Variants in PTPDC1 observed in about 807,000 individuals in gnomAD.
PTPDC1 encodes protein tyrosine phosphatase domain-containing protein 1.
A neutral mutation model predicts 75.3 loss-of-function variants in PTPDC1; 53 were observed. The ratio of observed to expected loss-of-function variants is 0.70; its 90% CI spans 0.56 to 0.88. The LOEUF (loss-of-function observed/expected upper bound fraction) is 0.88. Among genes scored for constraint, PTPDC1 ranks in the 40% least tolerant of loss-of-function variants. The pLI, the probability that PTPDC1 is intolerant of heterozygous loss-of-function variation, is 0.00. For synonymous variants in PTPDC1, 349 were observed against 366.2 expected, an observed-to-expected ratio of 0.95 and a Z score of 0.54; for missense variants, 925 against 998.6, an observed-to-expected ratio of 0.93 and a Z score of 0.99.
rs1827007460 is a variant in PTPDC1 at position 94,084,681 on chromosome 9, C to T, written c.151C>T (p.Leu51=). The T allele has an allele frequency of 1.1e-5, 17 of 1,613,842 alleles. No individual in the cohort carries two copies. In the East Asian group the frequency reaches 3.8e-4, roughly 36 times the overall value. ...CTTGGGCTCCGGCTCTGCCACGAAG[C>T]TGCTGTCCTCGTCCTCTCTCCAGGT... ...SGLGSGSATK[L]LSSSSLQVMV... Residue 51 remains leucine (L), a synonymous_variant, in exon 1 of 9, where the codon CTG becomes TTG. Transcript: ENST00000620992.
chr9:94,064,982 CT>C (rs778423691), intron 2 of PTPDC1, among the ~76,000 whole-genome samples: 3 of 152,186 alleles, frequency 2.0e-5, no homozygotes, highest in Non-Finnish European at 4.4e-5. Flanking sequence ...GTTAGAATTC[CT>C]TTTCAAAATC....
intron 1 of PTPDC1, among the ~76,000 whole-genome samples, chr9:94,063,143 G>T (rs1826193422): frequency 6.6e-6 from 1 of 152,204 alleles, no homozygotes; most frequent in Admixed American, 6.5e-5. Context: ...CACTCTCCAT[G>T]CTGTATCATG....
At chr9:94,033,257 G>A (rs1339590989) in intron 1 of PTPDC1, among the ~76,000 whole-genome samples, 2 of 152,062 alleles carry the variant, frequency 1.3e-5, no homozygotes, top group East Asian at 1.9e-4. Flanking sequence ...TGTATACATC[G>A]AAATGTTTCT....
rs146140279 is a variant in PTPDC1 at position 94,088,844 on chromosome 9, C to T, written c.616+581C>T. 1.9e-3 allele frequency among the ~76,000 whole-genome samples: 296 copies of T among 152,164 alleles called. 2 individuals are homozygous for T. Among genetic ancestry groups the T allele is most frequent in the African/African-American group, 6.4e-3 (266 of 41,514 alleles). Reference sequence around the variant, plus strand: ...AATCTTGGAACTTGTTTTTAAGAAGCTTATTTACACTAGATAGAAAATCCA... The same window carrying T: ...AATCTTGGAACTTGTTTTTAAGAAGTTTATTTACACTAGATAGAAAATCCA... On this transcript the variant is annotated intron_variant, in intron 4 of 8. Transcript: ENST00000620992.
chr9:94,077,251 T>G (rs1367473847), intron 2 of PTPDC1, among the ~76,000 whole-genome samples: 1 of 151,864 alleles, frequency 6.6e-6, no homozygotes, highest in Admixed American at 6.6e-5. Flanking sequence ...ATGTGCGGGG[T>G]TTTTTCCACA....
chr9:94,035,748 T>G (rs1208838046), intron 1 of PTPDC1, among the ~76,000 whole-genome samples: 3 of 152,190 alleles, frequency 2.0e-5, no homozygotes, highest in Non-Finnish European at 4.4e-5. Context: ...TTGAGGAAAC[T>G]TTATACTGTT....
chr9:94,047,214 A>G (rs1825631493), intron 1 of PTPDC1, among the ~76,000 whole-genome samples: 2 of 152,296 alleles, frequency 1.3e-5, no homozygotes, highest in African/African-American at 4.8e-5. Context: ...CATGGTGGAT[A>G]AGCTTTTTGA....
At chr9:94,065,359 A>C (rs771950682) in intron 2 of PTPDC1, among the ~76,000 whole-genome samples, 6 of 152,208 alleles carry the variant, frequency 3.9e-5, no homozygotes, top group Admixed American at 3.3e-4. Context: ...TGGTCTTGCT[A>C]CCACCACCGG....
Position 94,095,405 on chromosome 9 carries a change from A to G in PTPDC1, c.705A>G (p.Leu235=), listed in dbSNP as rs143078046. The G allele has an allele frequency of 6.2e-7, 1 of 1,613,672 alleles. No individual in the cohort carries two copies. Among genetic ancestry groups the G allele is most frequent in the South Asian group, 1.1e-5 (1 of 91,012 alleles). Residue 235 remains leucine (L), a synonymous_variant, in exon 5 of 9, where the codon TTA becomes TTG. Coordinates refer to ENST00000620992, the MANE Select transcript of PTPDC1 (RefSeq NM_001253829.2). ...LDMVKVMTFA[L]QEGKVAIHCH... ...TGGTGAAGGTGATGACATTTGCCTTACAGGAAGGAAAAGTAGCTATCCATT... is the reference window on the plus strand; with the variant it reads ...TGGTGAAGGTGATGACATTTGCCTTGCAGGAAGGAAAAGTAGCTATCCATT...
intron 1 of PTPDC1, among the ~76,000 whole-genome samples, chr9:94,054,162 A>G (rs141331913): frequency 2.0e-5 from 3 of 152,334 alleles, no homozygotes; most frequent in Admixed American, 1.3e-4. Context: ...ACAAATAAAT[A>G]AAGTATATAA....
chr9:94,103,580 C>G (rs1179023547), intron 7 of PTPDC1, among the ~76,000 whole-genome samples: 3 of 152,162 alleles, frequency 2.0e-5, no homozygotes, highest in Non-Finnish European at 1.5e-5. Flanking sequence ...TTTGTGCTTG[C>G]AGGTGTTTCT....
Position 94,084,541 on chromosome 9 carries a change from A to G in PTPDC1, c.11A>G (p.Gln4Arg), listed in dbSNP as rs1460329871. 1 of 1,611,510 alleles carries G rather than the reference A, an allele frequency of 6.2e-7. No individual in the cohort carries two copies. Among genetic ancestry groups the G allele is most frequent in the Admixed American group, 1.7e-5 (1 of 60,020 alleles). Residue 4 changes from glutamine (Q) to arginine (R), a missense_variant, in exon 1 of 9, where the codon CAG becomes CGG. Coordinates refer to ENST00000620992, the MANE Select transcript of PTPDC1 (RefSeq NM_001253829.2). MQVQDATRRPSAVR... is the reference protein window; with the variant it reads MQVRDATRRPSAVR... ...TTGCCTCCCAGTGCCATGCAGGTGC[A>G]GGATGCAACCAGGCGGCCCTCAGCC...
chr9:94,030,881 CGTT>C, exon 1 of PTPDC1: 1 of 152,286 alleles, frequency 6.6e-6, no homozygotes, highest in South Asian at 2.1e-4. Context: ...CGCCCCAGGA[CGTT>C]GTCCGGCGGG....
intron 4 of PTPDC1, among the ~76,000 whole-genome samples, chr9:94,092,575 A>C (rs1232454412): frequency 6.6e-6 from 1 of 151,854 alleles, no homozygotes; most frequent in East Asian, 1.9e-4. Flanking sequence ...TATGGGGTGG[A>C]GAGTTCTGTA....
rs1215315735 is a variant in PTPDC1, at chr9:94,097,910, T to G, written c.1344T>G (p.Ser448Arg). ...LTHLKRRLSY[S>R]DSDLKRAENL... The stretch of plus-strand genomic sequence containing the variant: ...ATCTGAAAAGGCGGCTCAGCTACAG[T>G]GACTCAGATTTAAAGAGGGCCGAGA... The change falls in exon 6 of 9, where the codon AGT (serine) becomes AGG (arginine). Residue 448 changes from serine (S) to arginine (R), a missense_variant. Physicochemically the swap from Ser to Arg is moderately radical, Grantham distance 110 (BLOSUM62 -1). Coordinates refer to ENST00000620992, the MANE Select transcript of PTPDC1 (RefSeq NM_001253829.2). The G allele has an allele frequency of 6.8e-6, 11 of 1,614,154 alleles. No homozygotes were observed. Among genetic ancestry groups the G allele is most frequent in the Non-Finnish European group, 9.3e-6 (11 of 1,180,024 alleles).
chr9:94,092,146 T>C (rs1587896198), intron 4 of PTPDC1, among the ~76,000 whole-genome samples: 1 of 151,794 alleles, frequency 6.6e-6, no homozygotes, highest in African/African-American at 2.4e-5. Context: ...TGTTTGCTCC[T>C]GCTTTTCTAG....
intron 1 of PTPDC1, among the ~76,000 whole-genome samples, chr9:94,046,472 T>C (rs1032267871): frequency 6.6e-6 from 1 of 152,090 alleles, no homozygotes; most frequent in Non-Finnish European, 1.5e-5. Flanking sequence ...TCTTCCTACC[T>C]ATGAGCATGG....
chr9:94,097,315 G>T lies in PTPDC1; in HGVS notation c.755-6G>T. ...TCATACCAGTCTTCTCTTCTTCACT[G>T]TTTAGGTGTTTTAATAGCCTGTTAC... On this transcript the variant is annotated splice_polypyrimidine_tract_variant and splice_region_variant and intron_variant, in intron 5 of 8. Transcript: ENST00000620992. 1 of 1,575,602 alleles carries T rather than the reference G, an allele frequency of 6.3e-7. No individual in the cohort carries two copies. Among genetic ancestry groups the T allele is most frequent in the Non-Finnish European group, 8.7e-7 (1 of 1,153,500 alleles).
intron 5 of PTPDC1, 77 bp from the exon 6 acceptor site, chr9:94,097,244 A>G: frequency 1.1e-6 from 1 of 944,002 alleles, no homozygotes; most frequent in South Asian, 1.7e-5. Context: ...CAAATTGTAA[A>G]TCATCAAAGA....
Sources: gnomAD v4.1 joint callset for allele counts (sites outside exome capture counted in the v4.1 genomes callset) on GRCh38, gnomAD v4.1.1 for gene constraint, MANE v1.5 for transcripts, NCBI Gene and HGNC (gene_info 2026-07-23, HGNC 2026-07-21) for gene names.